SNTB1: variants seen among roughly 807,000 people sequenced by gnomAD.
SNTB1 encodes the protein beta-1-syntrophin.
A neutral mutation model predicts 48.9 loss-of-function variants in SNTB1; 36 were observed. The ratio of observed to expected loss-of-function variants is 0.74; its 90% confidence interval spans 0.56 to 0.97. The LOEUF (loss-of-function observed/expected upper bound fraction) is 0.97. Ranked by LOEUF, SNTB1 falls within the 50% of genes least tolerant of loss-of-function variation. The pLI is 0.00. For missense variants in SNTB1, 786 were observed against 703.4 expected (o/e 1.12, Z -1.33); for synonymous variants, 299 against 294.6 (o/e 1.01, Z -0.15).
Position 120,542,729 on chromosome 8 carries a change from C to T in SNTB1, c.1334-729G>A, listed in dbSNP as rs528996326. ...TATCATCCACACACACACACACACACGCACACACACACAATTATATCTACC... is the reference window on the plus strand; with the variant it reads ...TATCATCCACACACACACACACACATGCACACACACACAATTATATCTACC... On this transcript the variant is annotated intron_variant, in intron 5 of 6. Coordinates refer to ENST00000517992, the MANE Select transcript of SNTB1 (RefSeq NM_021021.4). Among the ~76,000 whole-genome samples the T allele has an allele frequency of 6.4e-4, 97 of 151,538 alleles. 1 individual carries two copies. Among genetic ancestry groups the T allele is most frequent in the African/African-American group, 2.1e-3 (86 of 41,196 alleles).
chr8:120,661,200 A>G, intron 2 of SNTB1, among the ~76,000 whole-genome samples: 1 of 152,152 alleles, frequency 6.6e-6, no homozygotes, highest in South Asian at 2.1e-4. Context: ...TTTGTTAAAA[A>G]AAAAAAAGAG....
intron 3 of SNTB1, among the ~76,000 whole-genome samples, chr8:120,586,548 C>T (rs1816144732): frequency 1.3e-5 from 2 of 152,122 alleles, no homozygotes; most frequent in Admixed American, 1.3e-4. Context: ...ACCCTCCTGC[C>T]TCCCTCTTAT....
At chr8:120,715,841 T>C (rs576714039) in intron 1 of SNTB1, among the ~76,000 whole-genome samples, 1 of 152,268 alleles carries the variant, frequency 6.6e-6, no homozygotes, top group African/African-American at 2.4e-5. Context: ...TTTGAGAAAG[T>C]AATCCGAGTG....
In SNTB1 at chr8:120,541,929, G is replaced by A. The variant is rs1337863758; in HGVS notation, c.1405C>T (p.Pro469Ser). The A allele has an allele frequency of 1.2e-6, 2 of 1,613,930 alleles. No individual in the cohort carries two copies. Among genetic ancestry groups the A allele is most frequent in the Non-Finnish European group, 1.7e-6 (2 of 1,179,898 alleles). Reference protein sequence around the residue: ...YENGFSITTEPQEGAFPKTII... With the variant: ...YENGFSITTESQEGAFPKTII... ...GTCTTGGGAAAGGCACCCTCCTGTG[G>A]TTCAGTGGTAATAGAAAATCCATTC... The change falls in exon 6 of 7, where the codon CCA becomes TCA. Residue 469 changes from proline (P) to serine (S), a missense_variant. Coordinates refer to ENST00000517992, the MANE Select transcript of SNTB1 (RefSeq NM_021021.4).
chr8:120,537,162 A>G lies in SNTB1; in HGVS notation c.*1715T>C, dbSNP rs1455263030. On this transcript the variant is annotated 3_prime_UTR_variant, in exon 7 of 7. Coordinates refer to ENST00000517992, the MANE Select transcript of SNTB1 (RefSeq NM_021021.4). Reference sequence around the variant, plus strand: ...CATTAAAAAAAAAAAACAAATAACAACAACAAAAAAACCCACTAGCTTCAC... The same window carrying G: ...CATTAAAAAAAAAAAACAAATAACAGCAACAAAAAAACCCACTAGCTTCAC... 6.6e-6 allele frequency: 1 copy of G among 151,686 alleles called. No individual in the cohort carries two copies. Among genetic ancestry groups the G allele is most frequent in the African/African-American group, 2.4e-5 (1 of 41,338 alleles). 9.4% of individuals were successfully genotyped at this position (151,686 alleles called of 1,614,324 possible).
chr8:120,657,958 G>A (rs914472593), intron 2 of SNTB1, among the ~76,000 whole-genome samples: 1 of 152,218 alleles, frequency 6.6e-6, no homozygotes, highest in Non-Finnish European at 1.5e-5. Flanking sequence ...TAGGTGCAGA[G>A]AATCATCATT....
intron 6 of SNTB1, among the ~76,000 whole-genome samples, chr8:120,540,238 C>T (rs1233319550): frequency 6.6e-6 from 1 of 152,110 alleles, no homozygotes; most frequent in Non-Finnish European, 1.5e-5. Flanking sequence ...ATCTCTGGTC[C>T]CTTCCCCCTC....
chr8:120,774,540 T>A (rs1157537792), intron 1 of SNTB1, among the ~76,000 whole-genome samples: 1 of 152,140 alleles, frequency 6.6e-6, no homozygotes, highest in East Asian at 1.9e-4. Context: ...ATTGACAGAA[T>A]GTGGTGAATG....
chr8:120,671,429 C>T (rs1817755923), intron 2 of SNTB1, among the ~76,000 whole-genome samples: 1 of 152,208 alleles, frequency 6.6e-6, no homozygotes, highest in South Asian at 2.1e-4. Context: ...ATGATATACA[C>T]ATACAGAGAA....
At chr8:120,550,561 AAG>A (rs1040245622) in intron 4 of SNTB1, among the ~76,000 whole-genome samples, 3 of 150,016 alleles carry the variant, frequency 2.0e-5, no homozygotes, top group South Asian at 4.2e-4. Flanking sequence ...AAAAAAAAAA[AAG>A]AGAGATATGG....
chr8:120,699,698 G>A (rs1199818984), intron 1 of SNTB1, among the ~76,000 whole-genome samples: 1 of 152,122 alleles, frequency 6.6e-6, no homozygotes, highest in Non-Finnish European at 1.5e-5. Flanking sequence ...CCATTGGCCA[G>A]AACTTACTCA....
intron 1 of SNTB1, among the ~76,000 whole-genome samples, chr8:120,705,054 G>C (rs1286212494): frequency 6.6e-6 from 1 of 152,196 alleles, no homozygotes; most frequent in East Asian, 1.9e-4. Context: ...GCCTATACCT[G>C]AAGTTCTAAC....
intron 3 of SNTB1, among the ~76,000 whole-genome samples, chr8:120,609,247 C>T (rs1816578408): frequency 6.6e-6 from 1 of 152,176 alleles, no homozygotes; most frequent in South Asian, 2.1e-4. Context: ...ACTAGACAAG[C>T]CAAAGATTCT....
intron 4 of SNTB1, among the ~76,000 whole-genome samples, chr8:120,561,180 A>T (rs1477402764): frequency 6.6e-6 from 1 of 151,998 alleles, no homozygotes; most frequent in African/African-American, 2.4e-5. Flanking sequence ...TACAAAAATT[A>T]GACGGGCATG....
chr8:120,750,267 T>C (rs1024070336), intron 1 of SNTB1, among the ~76,000 whole-genome samples: 1 of 152,126 alleles, frequency 6.6e-6, no homozygotes, highest in Non-Finnish European at 1.5e-5. Flanking sequence ...GGTCTGGTGA[T>C]AGCAAAAGCT....
intron 1 of SNTB1, among the ~76,000 whole-genome samples, chr8:120,753,268 C>T (rs1243800782): frequency 1.3e-5 from 2 of 152,128 alleles, no homozygotes; most frequent in Non-Finnish European, 2.9e-5. Flanking sequence ...TAGGTTCCTT[C>T]CAGCATCATG....
At chr8:120,744,817 A>G (rs1024788078) in intron 1 of SNTB1, among the ~76,000 whole-genome samples, 1 of 152,240 alleles carries the variant, frequency 6.6e-6, no homozygotes, top group African/African-American at 2.4e-5. Flanking sequence ...TTGTTGTCAC[A>G]TTAAAAATAA....
intron 4 of SNTB1, among the ~76,000 whole-genome samples, chr8:120,563,535 C>G (rs570863901): frequency 6.6e-6 from 1 of 152,254 alleles, no homozygotes; most frequent in South Asian, 2.1e-4. Flanking sequence ...ACACCAGGAA[C>G]ATGTTGTGAG....
At chr8:120,794,031 C>T (rs1820081675) in intron 1 of SNTB1, among the ~76,000 whole-genome samples, 1 of 151,892 alleles carries the variant, frequency 6.6e-6, no homozygotes, top group Non-Finnish European at 1.5e-5. Flanking sequence ...TTAGTTATGA[C>T]AATAATAGGG....
Sources: allele counts gnomAD v4.1 joint callset (sites outside exome capture counted in the v4.1 genomes callset), GRCh38; gene constraint gnomAD v4.1.1; transcripts MANE v1.5; gene names NCBI Gene and HGNC (gene_info 2026-07-23, HGNC 2026-07-21).